The following KCNN4 variants were observed in gnomAD, a reference collection of about 807,000 sequenced individuals.
The protein encoded by KCNN4 is potassium calcium-activated channel subfamily N member 4, also known as intermediate conductance calcium-activated potassium channel protein 4.
A neutral mutation model predicts 45.2 loss-of-function variants in KCNN4; 31 were observed. The ratio of observed to expected loss-of-function variants is 0.69; its 90% confidence interval spans 0.52 to 0.92. The LOEUF is 0.92. Ranked by LOEUF, KCNN4 falls within the 40% of genes least tolerant of loss-of-function variation. The probability of loss-of-function intolerance (pLI) is 0.00; values close to 1 mark genes in which losing one functional copy is unlikely to be tolerated. For missense variants in KCNN4, 463 were observed against 574.0 expected (o/e 0.81, Z 1.98); for synonymous variants, 231 against 254.6 (o/e 0.91, Z 0.88).
At chr19:43,777,831 T>A (rs985245548) in intron 1 of KCNN4, among the ~76,000 whole-genome samples, 4 of 152,122 alleles carry the variant, frequency 2.6e-5, no homozygotes, top group African/African-American at 9.7e-5. Flanking sequence ...TGGGCGTCCT[T>A]ACAAAGCATT....
chr19:43,775,976 A>T (rs942641129), intron 2 of KCNN4, among the ~76,000 whole-genome samples: 1 of 151,818 alleles, frequency 6.6e-6, no homozygotes, highest in Non-Finnish European at 1.5e-5. Flanking sequence ...AAATACAAAA[A>T]AATTAGCTGG....
chr19:43,769,424 A>G lies in KCNN4; in HGVS notation c.1049+18T>C, dbSNP rs1969576819. ...CATGGGTGCACATGGACACGTGTGC[A>G]TACAAAGCGGCCCTCACGCGTTGAT... On this transcript the variant is annotated intron_variant, in intron 6 of 8. Transcript: ENST00000648319. The surrounding 1 kb of genome is among the most constrained non-coding windows in gnomAD (Gnocchi z 4.4). 6.2e-7 allele frequency: 1 copy of G among 1,601,844 alleles called. No homozygotes were observed.
At chr19:43,776,782 G>A (rs982079307) in intron 1 of KCNN4, 146 bp from the exon 2 acceptor site, 1 of 635,972 alleles carries the variant, frequency 1.6e-6, no homozygotes, top group African/African-American at 1.8e-5. Flanking sequence ...CTCTTGATGT[G>A]TCGGTTCTGG....
chr19:43,776,598 G>A lies in KCNN4; in HGVS notation c.198C>T (p.Ser66=). 1.2e-6 allele frequency: 2 copies of A among 1,614,002 alleles called. No individual in the cohort carries two copies. Among genetic ancestry groups the A allele is most frequent in the South Asian group, 1.1e-5 (1 of 91,084 alleles). Residue 66 remains serine (S), a synonymous_variant, in exon 2 of 9, where the codon AGC becomes AGT. Coordinates refer to ENST00000648319, the MANE Select transcript of KCNN4 (RefSeq NM_002250.3). The part of the protein sequence containing the change: ...LYLFLVKCTI[S]ISTFLLLCLI... ...GGCAGAGGAGTAAGAAGGTGGAAAT[G>A]CTGATCGTGCATTTAACCAGGAACA...
At chr19:43,770,264 C>T (rs1265310357) in intron 4 of KCNN4, among the ~76,000 whole-genome samples, 9 of 152,252 alleles carry the variant, frequency 5.9e-5, no homozygotes, top group African/African-American at 2.2e-4. Context: ...TCCCCTAACC[C>T]CCTTGGTCCC....
chr19:43,774,329 G>A lies in KCNN4; in HGVS notation c.546C>T (p.Ile182=), dbSNP rs1178426041. Reference sequence around the variant, plus strand: ...GGAAGCGGACTTGATTGAGAGCGCCGATGCTGCGGTAGGAAGCGTTGAGCA... The same window carrying A: ...GGAAGCGGACTTGATTGAGAGCGCCAATGCTGCGGTAGGAAGCGTTGAGCA... The part of the protein sequence containing the change: ...GVLLNASYRS[I]GALNQVRFRH... The change falls in exon 3 of 9, where the codon ATC becomes ATT. Residue 182 remains isoleucine (I), a synonymous_variant. Coordinates refer to ENST00000648319, the MANE Select transcript of KCNN4 (RefSeq NM_002250.3). The surrounding 1 kb of genome is among the most constrained non-coding windows in gnomAD (Gnocchi z 5.6). 6.2e-7 allele frequency: 1 copy of A among 1,611,104 alleles called. No homozygotes were observed. Among genetic ancestry groups the A allele is most frequent in the African/African-American group, 1.3e-5 (1 of 74,876 alleles).
chr19:43,767,290 A>C, intron 8 of KCNN4: 1 of 196,674 alleles, frequency 5.1e-6, no homozygotes, highest in Non-Finnish European at 1.0e-5. Flanking sequence ...CAGGACAGGC[A>C]GAGAGAGAGA....
chr19:43,767,254 T>G, intron 8 of KCNN4, 165 bp from the exon 9 acceptor site: 4 of 383,394 alleles, frequency 1.0e-5, no homozygotes, highest in South Asian at 4.1e-5. Flanking sequence ...GACAGAGACA[T>G]TGGATGGACA....
Position 43,772,232 on chromosome 19 carries a change from G to A in KCNN4, c.684-97C>T. 1 of 1,360,808 alleles carries A rather than the reference G, an allele frequency of 7.3e-7. No individual in the cohort carries two copies. The highest frequency in any genetic ancestry group is 1.0e-6 in the Non-Finnish European group (1 of 999,752). The allele number at this position is 1,360,808 out of a possible 1,614,324, so 84.3% of individuals were successfully genotyped here. On this transcript the variant is annotated intron_variant, in intron 3 of 8. Transcript: ENST00000648319. This position sits in a 1 kb window ranked among gnomAD's most constrained non-coding sequence, Gnocchi z 4.4. ...TATACCCTCCCATCCCCTTCCCTCT[G>A]GTTCCCTCCCTTCCCCTCCCAGTAT...
Position 43,780,903 on chromosome 19 carries a change from G to T in KCNN4, c.-42C>A. On this transcript the variant is annotated 5_prime_UTR_variant, in exon 1 of 9. Coordinates refer to ENST00000648319, the MANE Select transcript of KCNN4 (RefSeq NM_002250.3). ...GGGCTCAGCCAGCTTCCTGCCCAGG[G>T]TCCCCCACCTCGCAGCACGCACAGG... The T allele has an allele frequency of 6.2e-7, 1 of 1,604,306 alleles. No individual in the cohort carries two copies. Among genetic ancestry groups the T allele is most frequent in the Non-Finnish European group, 8.5e-7 (1 of 1,174,276 alleles).
chr19:43,774,683 C>T lies in KCNN4; in HGVS notation c.256-64G>A, dbSNP rs1969748309. The T allele has an allele frequency of 7.3e-7, 1 of 1,378,906 alleles. No homozygotes were observed. The highest frequency in any genetic ancestry group is 1.6e-5 in the South Asian group (1 of 64,444). The allele number at this position is 1,378,906 out of a possible 1,614,324, so 85.4% of individuals were successfully genotyped here. On this transcript the variant is annotated intron_variant, in intron 2 of 8. Transcript: ENST00000648319. The surrounding 1 kb of genome is among the most constrained non-coding windows in gnomAD (Gnocchi z 5.6). ...GGTCAGGCGCAGGTCAGGCGGCGGC[C>T]CGCGCCTGCCTGCGCCCTGAGATAA...
intron 1 of KCNN4, among the ~76,000 whole-genome samples, chr19:43,780,416 C>T (rs1568396833): frequency 7.5e-6 from 1 of 132,818 alleles, no homozygotes; most frequent in African/African-American, 2.9e-5. Context: ...CCCAGGAGTC[C>T]AGACCCCAGC....
In KCNN4 at chr19:43,767,684, C is replaced by T; in HGVS notation, c.1143G>A (p.Leu381=). ...ISKMHMILYD[L]QQNLSSSHRA... is the part of the protein sequence containing the mutation. ...GGTGTGAGCTGCTCAGATTCTGCTG[C>T]AGGTCATACAGGATCATGTGCATCT... Residue 381 remains leucine, a synonymous_variant, in exon 8 of 9, where the codon CTG becomes CTA. Transcript: ENST00000648319. 1 of 1,614,144 alleles carries T rather than the reference C, an allele frequency of 6.2e-7. No individual in the cohort carries two copies. The highest frequency in any genetic ancestry group is 8.5e-7 in the Non-Finnish European group (1 of 1,180,006).
chr19:43,780,614 C>CTCCT, intron 1 of KCNN4, 89 bp downstream of exon 1: 1 of 346,500 alleles, frequency 2.9e-6, no homozygotes. Flanking sequence ...CCCCCAGCCC[C>CTCCT]CCCTCCCTCA....
chr19:43,768,481 T>C (rs1461193716), intron 7 of KCNN4, among the ~76,000 whole-genome samples: 1 of 152,180 alleles, frequency 6.6e-6, no homozygotes, highest in Non-Finnish European at 1.5e-5. Flanking sequence ...CCAGGCAAAC[T>C]TGCATGGACG....
At chr19:43,767,436 G>T in intron 8 of KCNN4, 104 bp downstream of exon 8, 1 of 1,382,362 alleles carries the variant, frequency 7.2e-7, no homozygotes, top group Non-Finnish European at 9.7e-7. Flanking sequence ...GAGAAAAGGC[G>T]GCCTTGTCTC....
At chr19:43,767,440 T>C in intron 8 of KCNN4, 100 bp downstream of exon 8, 2 of 1,426,534 alleles carry the variant, frequency 1.4e-6, no homozygotes, top group Non-Finnish European at 1.9e-6. Context: ...AAAGGCGGCC[T>C]TGTCTCCCAG....
chr19:43,769,980 C>T lies in KCNN4; in HGVS notation c.820-151G>A, dbSNP rs347520. 0.87 allele frequency: 530,694 copies of T among 607,608 alleles called. 232,425 individuals are homozygous for T. The highest frequency in any genetic ancestry group is 0.96 in the East Asian group (34,997 of 36,540). The allele number at this position is 607,608 out of a possible 1,614,324, so 37.6% of individuals were successfully genotyped here. ...GGAGAGCCAAGGTCCCAGCTCAGAGCGGTGGAGCTAGAATCATAAATCGCA... is the reference window on the plus strand; with the variant it reads ...GGAGAGCCAAGGTCCCAGCTCAGAGTGGTGGAGCTAGAATCATAAATCGCA... On this transcript the variant is annotated intron_variant, in intron 4 of 8. Coordinates refer to ENST00000648319, the MANE Select transcript of KCNN4 (RefSeq NM_002250.3). This position sits in a 1 kb window ranked among gnomAD's most constrained non-coding sequence, Gnocchi z 4.4.
At chr19:43,777,610 C>G (rs1364407112) in intron 1 of KCNN4, among the ~76,000 whole-genome samples, 4 of 152,240 alleles carry the variant, frequency 2.6e-5, no homozygotes, top group Admixed American at 6.5e-5. Flanking sequence ...TCTTCTGGCT[C>G]TAAGCCCAGG....
Sources: allele counts gnomAD v4.1 joint callset (sites outside exome capture counted in the v4.1 genomes callset), GRCh38; gene constraint gnomAD v4.1.1; non-coding constraint Gnocchi (gnomAD v3.1); transcripts MANE v1.5; gene names NCBI Gene and HGNC (gene_info 2026-07-23, HGNC 2026-07-21).